GLRA2: variants seen among roughly 807,000 people sequenced by gnomAD.
GLRA2 encodes glycine receptor alpha 2.
GLRA2 carries 11 observed loss-of-function variants against 31.6 expected under a neutral mutation model. The observed-to-expected ratio is 0.35, with a 90% confidence interval of 0.22 to 0.58. The LOEUF is 0.58. Ranked by LOEUF, GLRA2 falls within the 20% of genes least tolerant of loss-of-function variation. The probability of loss-of-function intolerance (pLI) is 0.84; values close to 1 mark genes in which losing one functional copy is unlikely to be tolerated. For missense variants in GLRA2, 212 were observed against 351.8 expected, an observed-to-expected ratio of 0.60 and a Z score of 3.18; for synonymous variants, 132 against 134.0, an observed-to-expected ratio of 0.99 and a Z score of 0.10.
At chrX:14,696,892 A>G (rs2091455223) in intron 8 of GLRA2, among the ~76,000 whole-genome samples, 1 of 112,293 alleles carries the variant, frequency 8.9e-6, no homozygotes, top group East Asian at 2.8e-4. Context: ...GCTATTCAGA[A>G]CATAATGTTT....
intron 8 of GLRA2, among the ~76,000 whole-genome samples, chrX:14,729,806 CTGAATGAATGAA>C (rs756622037): frequency 9.0e-6 from 1 of 111,095 alleles, no homozygotes; most frequent in Non-Finnish European, 1.9e-5. Flanking sequence ...TAAATGTTTT[CTGAATGAATGAA>C]TGAATGAATG....
At chrX:14,565,363 TAA>T (rs2089789442) in intron 2 of GLRA2, among the ~76,000 whole-genome samples, 1 of 111,810 alleles carries the variant, frequency 8.9e-6, no homozygotes, top group African/African-American at 3.2e-5. Context: ...CAAAAATTGT[TAA>T]AAGAGACAAA....
chrX:14,697,317 G>GT (rs758087750), intron 8 of GLRA2, among the ~76,000 whole-genome samples: 4 of 111,910 alleles, frequency 3.6e-5, no homozygotes, highest in African/African-American at 9.7e-5. Context: ...TAAACAAAAT[G>GT]TTTTTTATTA....
rs538542310 is a variant in GLRA2, at chrX:14,659,500, G to C, written c.931-31210G>C. On this transcript the variant is annotated intron_variant, in intron 7 of 8. Coordinates refer to ENST00000218075, the MANE Select transcript of GLRA2 (RefSeq NM_002063.4). ...TGAATCATTCTGCAAAGGTTTCTTT[G>C]CTTGGTTCTTATGTTGTTTTCTTAA... is the stretch of plus-strand genomic sequence containing the variant. Among the ~76,000 whole-genome samples the C allele has an allele frequency of 2.7e-5, 3 of 112,135 alleles. No homozygotes were observed. The Admixed American group carries it at 2.8e-4, about 11-fold the overall frequency.
chrX:14,605,808 G>A (rs1397513879), intron 5 of GLRA2, among the ~76,000 whole-genome samples: 2 of 111,208 alleles, frequency 1.8e-5, no homozygotes, highest in Non-Finnish European at 3.8e-5. Context: ...CCATGCTGGG[G>A]CTTCAGGGTG....
chrX:14,574,739 A>G (rs1428978307), intron 3 of GLRA2, among the ~76,000 whole-genome samples: 3 of 112,067 alleles, frequency 2.7e-5, no homozygotes, highest in African/African-American at 9.7e-5. Flanking sequence ...TCATTACTTA[A>G]TATTCAGTGA....
chrX:14,462,032 A>G, the GLRA2 span, among the ~76,000 whole-genome samples: 1 of 111,896 alleles, frequency 8.9e-6, no homozygotes, highest in Non-Finnish European at 1.9e-5. Flanking sequence ...AGCTCTTGTA[A>G]GGCAGGCCTG....
At chrX:14,638,072 C>T (rs2090730583) in intron 7 of GLRA2, among the ~76,000 whole-genome samples, 1 of 111,360 alleles carries the variant, frequency 9.0e-6, no homozygotes, top group Admixed American at 9.6e-5. Flanking sequence ...AATCCAATGT[C>T]TTTGAACTGC....
intron 7 of GLRA2, among the ~76,000 whole-genome samples, chrX:14,656,330 G>T (rs1035956106): frequency 8.9e-6 from 1 of 112,252 alleles, no homozygotes; most frequent in Non-Finnish European, 1.9e-5. Context: ...GCAATATTAG[G>T]TGAAATTTGT....
chrX:14,475,775 G>T, the GLRA2 span, among the ~76,000 whole-genome samples: 2 of 110,123 alleles, frequency 1.8e-5, no homozygotes, highest in Non-Finnish European at 3.8e-5. Context: ...AAGTATAATA[G>T]ATATTTTCTA....
chrX:14,721,570 A>G (rs994493302), intron 8 of GLRA2, among the ~76,000 whole-genome samples: 3 of 111,643 alleles, frequency 2.7e-5, no homozygotes, highest in African/African-American at 9.8e-5. Flanking sequence ...TGATCCTTAT[A>G]AGACCTATTG....
chrX:14,509,296 T>C, the GLRA2 span, among the ~76,000 whole-genome samples: 1 of 112,833 alleles, frequency 8.9e-6, no homozygotes, highest in Non-Finnish European at 1.9e-5. Flanking sequence ...TTCCAACAGC[T>C]TCATGTATTA....
In GLRA2 at chrX:14,643,840, G is replaced by C. The variant is rs759843432; in HGVS notation, c.930+34635G>C. On this transcript the variant is annotated intron_variant, in intron 7 of 8. Transcript: ENST00000218075. Reference sequence around the variant, plus strand: ...CACTATTAAAACATACATAGCCTAGGTGTCACAAGGTGCTAGAAAAGTGGA... The same window carrying C: ...CACTATTAAAACATACATAGCCTAGCTGTCACAAGGTGCTAGAAAAGTGGA... Among the ~76,000 whole-genome samples the C allele has an allele frequency of 4.5e-5, 5 of 111,787 alleles. No individual in the cohort carries two copies. The South Asian group carries it at 1.9e-3, about 42-fold the overall frequency.
At chrX:14,676,811 A>G (rs2091149671) in intron 7 of GLRA2, among the ~76,000 whole-genome samples, 1 of 112,216 alleles carries the variant, frequency 8.9e-6, no homozygotes. Context: ...CTACTTTGAA[A>G]CTGAACTAAT....
chrX:14,583,162 A>G (rs1569502686), intron 4 of GLRA2, among the ~76,000 whole-genome samples: 1 of 112,026 alleles, frequency 8.9e-6, no homozygotes, highest in Non-Finnish European at 1.9e-5. Context: ...AAAAGTCAAA[A>G]AATAACACAT....
the GLRA2 span, among the ~76,000 whole-genome samples, chrX:14,495,356 A>T: frequency 1.8e-5 from 2 of 111,039 alleles, no homozygotes; most frequent in Admixed American, 9.6e-5. Context: ...AATGGACATT[A>T]TGTTTTACTT....
In GLRA2 at chrX:14,661,874, G is replaced by GAA. The variant is rs1182687158; in HGVS notation, c.931-28819_931-28818dup. On this transcript the variant is annotated intron_variant, in intron 7 of 8. Transcript: ENST00000218075. ...GGTGACAGAGTGAGACTCTGTCTCA[G>GAA]AAAAAAAAAAAAAAAAAAGTAGAAA... Among the ~76,000 whole-genome samples, 74 of 64,419 alleles carry GAA rather than the reference G, an allele frequency of 1.1e-3. 1 individual carries two copies. Among genetic ancestry groups the GAA allele is most frequent in the East Asian group, 4.7e-3 (7 of 1,487 alleles). The allele number at this position is 64,419 out of a possible 115,157, so 55.9% of individuals were successfully genotyped here.
At chrX:14,513,456 T>A in the GLRA2 span, among the ~76,000 whole-genome samples, 97 of 111,156 alleles carry the variant, frequency 8.7e-4, no homozygotes, top group Non-Finnish European at 1.7e-3. Context: ...CACAGCAAAA[T>A]AATCAGCAGA....
intron 4 of GLRA2, among the ~76,000 whole-genome samples, chrX:14,603,081 AT>A (rs58676051): frequency 0.011 from 1,067 of 96,086 alleles, 9 homozygotes; most frequent in African/African-American, 0.028. Context: ...GCCAACATCT[AT>A]TTTTTTTTTT....
Sources: gnomAD v4.1 joint callset for allele counts (sites outside exome capture counted in the v4.1 genomes callset) on GRCh38, gnomAD v4.1.1 for gene constraint, MANE v1.5 for transcripts, NCBI Gene and HGNC (gene_info 2026-07-23, HGNC 2026-07-21) for gene names.